RBM47: variants seen among roughly 807,000 people sequenced by gnomAD.
RBM47 encodes RNA binding motif protein 47, also known as RNA-binding protein 47.
Under a neutral mutation model 47.1 loss-of-function variants are expected in RBM47, and 21 were observed. The ratio of observed to expected loss-of-function variants is 0.45; its 90% CI spans 0.32 to 0.64. The LOEUF is 0.64. Among genes scored for constraint, RBM47 ranks in the 30% least tolerant of loss-of-function variants. The probability of loss-of-function intolerance (pLI) is 0.05; values close to 1 mark genes in which losing one functional copy is unlikely to be tolerated. For missense variants in RBM47, 708 were observed against 870.9 expected (o/e 0.81, Z 2.35); for synonymous variants, 375 against 361.7 (o/e 1.04, Z -0.42).
At chr4:40,586,582 G>A (rs909841805) in intron 1 of RBM47, among the ~76,000 whole-genome samples, 1 of 150,088 alleles carries the variant, frequency 6.7e-6, no homozygotes, top group Non-Finnish European at 1.5e-5. Context: ...TCCGTTCTGG[G>A]TTAATTCCAC....
chr4:40,435,178 CCTACTCCCAAT>C (rs1284554672), intron 5 of RBM47, among the ~76,000 whole-genome samples: 2 of 152,102 alleles, frequency 1.3e-5, no homozygotes, highest in African/African-American at 4.8e-5. Flanking sequence ...CTTGAGCATC[CCTACTCCCAAT>C]CTACTGATCC....
intron 1 of RBM47, among the ~76,000 whole-genome samples, chr4:40,597,891 C>T (rs1560496634): frequency 6.6e-6 from 1 of 152,226 alleles, no homozygotes; most frequent in Non-Finnish European, 1.5e-5. Context: ...AAAATGTATT[C>T]ACCTCTCTAA....
intron 1 of RBM47, among the ~76,000 whole-genome samples, chr4:40,609,207 TG>T (rs1736032253): frequency 6.6e-6 from 1 of 152,100 alleles, no homozygotes; most frequent in Non-Finnish European, 1.5e-5. Context: ...TTGACCAGGC[TG>T]GTCTTAAACT....
At chr4:40,426,904 T>C (rs924365361) in intron 6 of RBM47, 2 of 152,196 alleles carry the variant, frequency 1.3e-5, no homozygotes, top group Non-Finnish European at 2.9e-5. Flanking sequence ...CAGAGTGAGC[T>C]AGAGAAGGCA....
intron 1 of RBM47, among the ~76,000 whole-genome samples, chr4:40,622,344 T>G (rs1737341370): frequency 6.6e-6 from 1 of 152,148 alleles, no homozygotes; most frequent in Admixed American, 6.6e-5. Context: ...TGGAGATGTC[T>G]GGGGATGATG....
chr4:40,518,272 G>T (rs1474366297), intron 2 of RBM47, among the ~76,000 whole-genome samples: 1 of 138,596 alleles, frequency 7.2e-6, no homozygotes, highest in Non-Finnish European at 1.5e-5. Flanking sequence ...CACCTCCCGG[G>T]TTCAAGCAAT....
rs1290464268 is a variant in RBM47, at chr4:40,517,126, C to CTCCT, written c.-155+27292_-155+27295dup. Among the ~76,000 whole-genome samples the CTCCT allele has an allele frequency of 4.0e-5, 6 of 149,598 alleles. No homozygotes were observed. In the East Asian group the frequency reaches 9.9e-4, roughly 25 times the overall value. ...CTCCCTCCCCACCTTCCTTCCTTCC[C>CTCCT]TCCTTCCTTCCTTCCTTCTTTCTTT... On this transcript the variant is annotated intron_variant, in intron 2 of 6. Coordinates refer to ENST00000295971, the MANE Select transcript of RBM47 (RefSeq NM_001098634.2).
At chr4:40,462,448 A>G (rs753624039) in intron 3 of RBM47, among the ~76,000 whole-genome samples, 15 of 152,078 alleles carry the variant, frequency 9.9e-5, no homozygotes, top group African/African-American at 2.2e-4. Flanking sequence ...GCACCTACAT[A>G]ACACCCACAT....
intron 5 of RBM47, among the ~76,000 whole-genome samples, chr4:40,434,348 G>A (rs1203737967): frequency 6.6e-6 from 1 of 152,058 alleles, no homozygotes; most frequent in African/African-American, 2.4e-5. Context: ...GACGCCAATC[G>A]ATGGGGCCCA....
intron 2 of RBM47, among the ~76,000 whole-genome samples, chr4:40,510,367 T>C (rs910650439): frequency 1.3e-5 from 2 of 152,148 alleles, no homozygotes; most frequent in African/African-American, 4.8e-5. Context: ...CTCATTTGTT[T>C]CCTTTCATTC....
chr4:40,502,030 C>T (rs278950), intron 2 of RBM47: 2,375 of 154,536 alleles, frequency 0.015, 49 homozygotes, highest in African/African-American at 0.055. Context: ...CATCTTCTTC[C>T]ACCTGTCTCC....
chr4:40,521,517 T>C (rs891094582), intron 2 of RBM47, among the ~76,000 whole-genome samples: 1 of 152,110 alleles, frequency 6.6e-6, no homozygotes, highest in African/African-American at 2.4e-5. Context: ...TTTTATTAAG[T>C]CTCAATTCAA....
Position 40,438,762 on chromosome 4 carries a change from G to A in RBM47, c.132C>T (p.Tyr44=), listed in dbSNP as rs756768074. The A allele has an allele frequency of 7.6e-6, 12 of 1,582,646 alleles. No individual in the cohort carries two copies. Among genetic ancestry groups the A allele is most frequent in the Admixed American group, 5.4e-5 (3 of 56,036 alleles). ...ALLALMERTG[Y]SMVQENGQRK... is the part of the protein sequence containing the mutation. ...GCTGCCCGTTCTCTTGCACCATGCT[G>A]TAGCCCGTGCGCTCCATCAGCGCCA... The change falls in exon 4 of 7, where the codon TAC becomes TAT. Residue 44 remains tyrosine (Y), a synonymous_variant. Transcript: ENST00000295971.
At chr4:40,591,587 G>A (rs569162202) in intron 1 of RBM47, among the ~76,000 whole-genome samples, 20 of 152,180 alleles carry the variant, frequency 1.3e-4, no homozygotes, top group African/African-American at 4.3e-4. Flanking sequence ...CCAGCTACTC[G>A]GGAGGCTGGG....
At chr4:40,452,519 G>A (rs1323660624) in intron 3 of RBM47, among the ~76,000 whole-genome samples, 1 of 152,144 alleles carries the variant, frequency 6.6e-6, no homozygotes, top group East Asian at 1.9e-4. Context: ...TAAGCAAGCA[G>A]GAGGCCTGAG....
intron 2 of RBM47, among the ~76,000 whole-genome samples, chr4:40,527,856 A>G (rs1726903320): frequency 6.6e-6 from 1 of 152,086 alleles, no homozygotes; most frequent in African/African-American, 2.4e-5. Context: ...AATATAGTCC[A>G]GTCTACAACT....
At chr4:40,496,329 A>ACAC (rs1722561440) in intron 2 of RBM47, among the ~76,000 whole-genome samples, 1 of 129,248 alleles carries the variant, frequency 7.7e-6, no homozygotes, top group African/African-American at 3.1e-5. Flanking sequence ...GGAGAACTTA[A>ACAC]ACACACACAC....
At chr4:40,464,252 G>A (rs80174351) in intron 3 of RBM47, among the ~76,000 whole-genome samples, 1,723 of 152,188 alleles carry the variant, frequency 0.011, 30 homozygotes, top group African/African-American at 0.039. Context: ...AAAGATATGC[G>A]GTAGTCCCCC....
chr4:40,452,730 T>C (rs966886147), intron 3 of RBM47, among the ~76,000 whole-genome samples: 34 of 152,118 alleles, frequency 2.2e-4, no homozygotes, highest in African/African-American at 8.0e-4. Flanking sequence ...AATGTAAACT[T>C]TGAGAGAGCA....
Sources: allele counts gnomAD v4.1 joint callset (sites outside exome capture counted in the v4.1 genomes callset), GRCh38; gene constraint gnomAD v4.1.1; transcripts MANE v1.5; gene names NCBI Gene and HGNC (gene_info 2026-07-23, HGNC 2026-07-21).